Variants in WWOX observed in about 807,000 individuals in gnomAD.
The protein encoded by WWOX is WW domain-containing oxidoreductase.
In WWOX, 69 loss-of-function variants were observed where a neutral mutation model predicts 46.2. The ratio of observed to expected loss-of-function variants is 1.49; its 90% confidence interval spans 1.23 to 1.82. The LOEUF (loss-of-function observed/expected upper bound fraction) is 1.82, where lower values mean the gene tolerates loss of function less well. WWOX is among the 40% of genes most tolerant of loss of function. The pLI, the probability that WWOX is intolerant of heterozygous loss-of-function variation, is 0.00. For synonymous variants in WWOX, 359 were observed against 202.6 expected (o/e 1.77, Z -6.56); for missense variants, 919 against 542.6 (o/e 1.69, Z -6.89).
chr16:79,201,516 TAA>T, intron 8 of WWOX, among the ~76,000 whole-genome samples: 1 of 152,264 alleles, frequency 6.6e-6, no homozygotes, highest in African/African-American at 2.4e-5. Context: ...GCCATCAAAT[TAA>T]GTTTGGAAAC....
intron 4 of WWOX, chr16:78,145,789 A>G (rs1370500392): frequency 6.6e-6 from 1 of 152,070 alleles, no homozygotes. Context: ...CACCAGTCCT[A>G]TTGGATTAGG....
chr16:78,526,529 C>T (rs1486287975), intron 8 of WWOX: 1 of 152,224 alleles, frequency 6.6e-6, no homozygotes, highest in Non-Finnish European at 1.5e-5. Flanking sequence ...CTTAATCTCC[C>T]TTTTCCATGG....
At chr16:78,691,180 G>C (rs906975104) in intron 8 of WWOX, 3 of 698,252 alleles carry the variant, frequency 4.3e-6, no homozygotes, top group Non-Finnish European at 7.8e-6. Flanking sequence ...TGTGCGATAA[G>C]AGAATAGATG....
At chr16:79,021,852 A>G (rs141433177) in intron 8 of WWOX, among the ~76,000 whole-genome samples, 51 of 152,324 alleles carry the variant, frequency 3.3e-4, no homozygotes, top group African/African-American at 1.1e-3. Flanking sequence ...CATACACACA[A>G]AAAGTGCCAG....
chr16:78,581,634 T>C (rs1478873288), intron 8 of WWOX, among the ~76,000 whole-genome samples: 1 of 152,204 alleles, frequency 6.6e-6, no homozygotes, highest in Non-Finnish European at 1.5e-5. Flanking sequence ...CTCTTTCCCG[T>C]GGGCCCCTTT....
At chr16:78,602,476 C>T (rs1184779581) in intron 8 of WWOX, among the ~76,000 whole-genome samples, 1 of 152,164 alleles carries the variant, frequency 6.6e-6, no homozygotes, top group African/African-American at 2.4e-5. Context: ...TTGTGATCCA[C>T]CCACCTCGGC....
chr16:79,080,055 A>G (rs1409549307), intron 8 of WWOX, among the ~76,000 whole-genome samples: 1 of 152,214 alleles, frequency 6.6e-6, no homozygotes, highest in African/African-American at 2.4e-5. Context: ...AGGATATACA[A>G]AACAGAAAAA....
chr16:78,438,287 A>G (rs1218667089), intron 8 of WWOX, among the ~76,000 whole-genome samples: 1 of 152,196 alleles, frequency 6.6e-6, no homozygotes, highest in Non-Finnish European at 1.5e-5. Flanking sequence ...TGTTCAAGAA[A>G]ATGATATACC....
chr16:78,305,053 G>T (rs2080107978), intron 5 of WWOX, among the ~76,000 whole-genome samples: 1 of 151,612 alleles, frequency 6.6e-6, no homozygotes, highest in African/African-American at 2.4e-5. Context: ...ATTAAACTCA[G>T]GCACTCACCC....
chr16:78,705,550 G>C (rs1465189523), intron 8 of WWOX, among the ~76,000 whole-genome samples: 1 of 152,170 alleles, frequency 6.6e-6, no homozygotes, highest in Admixed American at 6.5e-5. Context: ...TCTGCTCTTA[G>C]CCTGCAGTGG....
At chr16:78,824,232 C>G (rs907094716) in intron 8 of WWOX, among the ~76,000 whole-genome samples, 1 of 152,146 alleles carries the variant, frequency 6.6e-6, no homozygotes, top group Non-Finnish European at 1.5e-5. Flanking sequence ...TACATGTAGA[C>G]ACATTTAGAT....
intron 8 of WWOX, among the ~76,000 whole-genome samples, chr16:79,179,216 A>AACGT (rs1468700189): frequency 6.6e-6 from 1 of 152,250 alleles, no homozygotes. Context: ...GATGTAAAAC[A>AACGT]ACGTGTCTAA....
chr16:79,040,711 T>C (rs963487075), intron 8 of WWOX, among the ~76,000 whole-genome samples: 5 of 152,102 alleles, frequency 3.3e-5, no homozygotes, highest in South Asian at 2.1e-4. Flanking sequence ...TCACAGATCA[T>C]TGGGATAACT....
At position 79,212,004 on chromosome 16, in the gene WWOX, C is replaced by T. The variant is rs555378210; in HGVS notation, c.*208C>T. On this transcript the variant is annotated 3_prime_UTR_variant, in exon 9 of 9. Coordinates refer to ENST00000566780, the MANE Select transcript of WWOX (RefSeq NM_016373.4). ...AAAGTATCACTTTTCTGGGGCTGGG[C>T]TAGGCATAGGTCTCTTTGCTTTCTG... is the stretch of plus-strand genomic sequence containing the variant. 9 of 1,536,148 alleles carry T rather than the reference C, an allele frequency of 5.9e-6. No homozygotes were observed. The highest frequency in any genetic ancestry group is 2.4e-5 in the South Asian group (2 of 84,064).
chr16:78,299,334 C>G (rs2079999866), intron 5 of WWOX, among the ~76,000 whole-genome samples: 1 of 152,066 alleles, frequency 6.6e-6, no homozygotes, highest in Non-Finnish European at 1.5e-5. Context: ...CTTTGGTATG[C>G]ATAAATTCTT....
chr16:79,102,853 A>G (rs2049229110), intron 8 of WWOX, among the ~76,000 whole-genome samples: 1 of 151,988 alleles, frequency 6.6e-6, no homozygotes, highest in Non-Finnish European at 1.5e-5. Context: ...TTTGAAGACG[A>G]CAGGTGAAGG....
At chr16:78,815,547 G>A (rs542546452) in intron 8 of WWOX, among the ~76,000 whole-genome samples, 1 of 152,258 alleles carries the variant, frequency 6.6e-6, no homozygotes, top group East Asian at 1.9e-4. Context: ...TGAAATCTCA[G>A]ACCATGATGA....
chr16:78,475,710 C>G (rs537697324), intron 8 of WWOX, among the ~76,000 whole-genome samples: 1 of 152,280 alleles, frequency 6.6e-6, no homozygotes, highest in East Asian at 1.9e-4. Flanking sequence ...ATTCTGATGT[C>G]TCAGCCTCCC....
At chr16:78,419,560 T>C (rs1205236039) in intron 6 of WWOX, among the ~76,000 whole-genome samples, 1 of 138,194 alleles carries the variant, frequency 7.2e-6, no homozygotes, top group Admixed American at 8.2e-5. Flanking sequence ...CTAGAACCAC[T>C]GGATAGCCCC....
Sources: gnomAD v4.1 joint callset for allele counts (sites outside exome capture counted in the v4.1 genomes callset) on GRCh38, gnomAD v4.1.1 for gene constraint, MANE v1.5 for transcripts, NCBI Gene and HGNC (gene_info 2026-07-23, HGNC 2026-07-21) for gene names.